Variants in RALGAPA2 observed in about 807,000 individuals in gnomAD.
RALGAPA2 encodes ral GTPase-activating protein subunit alpha-2.
In RALGAPA2, 139 loss-of-function variants were observed where a neutral mutation model predicts 230.4. The observed-to-expected ratio is 0.60, with a 90% CI of 0.53 to 0.69. RALGAPA2 has a LOEUF of 0.69. Among genes scored for constraint, RALGAPA2 ranks in the 30% least tolerant of loss-of-function variants. The pLI, the probability that RALGAPA2 is intolerant of heterozygous loss-of-function variation, is 0.00. For missense variants in RALGAPA2, 2,163 were observed against 2,276.0 expected, an observed-to-expected ratio of 0.95 and a Z score of 1.01; for synonymous variants, 847 against 837.8, an observed-to-expected ratio of 1.01 and a Z score of -0.19.
chr20:20,474,429 T>C (rs898183356), intron 36 of RALGAPA2, among the ~76,000 whole-genome samples: 3 of 152,302 alleles, frequency 2.0e-5, no homozygotes, highest in South Asian at 2.1e-4. Flanking sequence ...GCAGGGGATA[T>C]GATCTAAAAT....
intron 23 of RALGAPA2, among the ~76,000 whole-genome samples, chr20:20,555,341 T>G (rs1302464335): frequency 6.6e-6 from 1 of 152,242 alleles, no homozygotes; most frequent in Non-Finnish European, 1.5e-5. Flanking sequence ...TAGGAACTTT[T>G]GAAATAGGAA....
chr20:20,402,844 C>T (rs1027636179), intron 38 of RALGAPA2, among the ~76,000 whole-genome samples: 2 of 152,168 alleles, frequency 1.3e-5, no homozygotes, highest in African/African-American at 4.8e-5. Flanking sequence ...TGCTGCCCAT[C>T]TCACCAGAGC....
chr20:20,514,264 C>G lies in RALGAPA2; in HGVS notation c.4085-980G>C, dbSNP rs192812051. Among the ~76,000 whole-genome samples the G allele has an allele frequency of 3.9e-5, 6 of 152,256 alleles. No individual in the cohort carries two copies. In the East Asian group the frequency reaches 1.2e-3, roughly 29 times the overall value. ...GTGCAACAGGGCCCTTTCCGCTCCG[C>G]ACCCAAGCAGATCTCCAGGAATTCA... On this transcript the variant is annotated intron_variant, in intron 31 of 39. Transcript: ENST00000202677.
Position 20,438,955 on chromosome 20 carries a change from T to C in RALGAPA2, c.5496-26807A>G, listed in dbSNP as rs532484653. 4.6e-5 allele frequency among the ~76,000 whole-genome samples: 7 copies of C among 152,344 alleles called. No individual in the cohort carries two copies. In the South Asian group the frequency reaches 8.3e-4, roughly 18 times the overall value. On this transcript the variant is annotated intron_variant, in intron 37 of 39. Transcript: ENST00000202677. ...TGAGCAAACTTTGGGTCACCTTTCA[T>C]TGGGAAAGGCCCAATGTGCAAAAGG... is the stretch of plus-strand genomic sequence containing the variant.
intron 3 of RALGAPA2, among the ~76,000 whole-genome samples, chr20:20,655,782 G>A (rs796674845): frequency 1.3e-5 from 2 of 152,138 alleles, no homozygotes; most frequent in East Asian, 1.9e-4. Flanking sequence ...GATCAAGGCC[G>A]GCCAGGTAAA....
At position 20,481,757 on chromosome 20, in the gene RALGAPA2, T is replaced by G. The variant is rs191913168; in HGVS notation, c.5368-8801A>C. Among the ~76,000 whole-genome samples the G allele has an allele frequency of 5.7e-3, 862 of 152,284 alleles. 4 individuals are homozygous for G. Among genetic ancestry groups the G allele is most frequent in the Non-Finnish European group, 9.9e-3 (676 of 68,022 alleles). On this transcript the variant is annotated intron_variant, in intron 36 of 39. Transcript: ENST00000202677. Reference sequence around the variant, plus strand: ...TTAAAGAGATTCAGTCTACTGGGATTTAGGATGCTGGACTTGGTGCCAGAA... The same window carrying G: ...TTAAAGAGATTCAGTCTACTGGGATGTAGGATGCTGGACTTGGTGCCAGAA...
intron 35 of RALGAPA2, among the ~76,000 whole-genome samples, chr20:20,496,689 T>C (rs918257157): frequency 4.6e-5 from 7 of 152,254 alleles, no homozygotes; most frequent in African/African-American, 1.2e-4. Context: ...TGGAATACTA[T>C]GTATTTAAAA....
chr20:20,493,793 G>C (rs1051836924), intron 36 of RALGAPA2, among the ~76,000 whole-genome samples: 6 of 152,084 alleles, frequency 3.9e-5, no homozygotes, highest in Admixed American at 1.3e-4. Context: ...AGCACTAAGA[G>C]CCATTTTCAT....
At chr20:20,455,861 A>G (rs59905848) in intron 37 of RALGAPA2, among the ~76,000 whole-genome samples, 7 of 152,256 alleles carry the variant, frequency 4.6e-5, no homozygotes, top group African/African-American at 7.2e-5. Flanking sequence ...GCACAAAGAC[A>G]TAAACTCATC....
At chr20:20,688,645 C>A (rs986012213) in intron 1 of RALGAPA2, among the ~76,000 whole-genome samples, 19 of 152,182 alleles carry the variant, frequency 1.2e-4, no homozygotes, top group Admixed American at 1.1e-3. Flanking sequence ...TACTTCTATA[C>A]CTCAGTCTCC....
intron 10 of RALGAPA2, among the ~76,000 whole-genome samples, chr20:20,624,230 G>C (rs1225350991): frequency 6.6e-6 from 1 of 150,840 alleles, no homozygotes; most frequent in African/African-American, 2.4e-5. Flanking sequence ...GGGAGGCTGA[G>C]GAAGAAGAAT....
At chr20:20,450,700 A>C (rs1012091532) in intron 37 of RALGAPA2, among the ~76,000 whole-genome samples, 2 of 152,002 alleles carry the variant, frequency 1.3e-5, no homozygotes, top group African/African-American at 4.8e-5. Flanking sequence ...GGTTGTCGCC[A>C]AGAGTGAGAA....
chr20:20,640,767 C>A lies in RALGAPA2; in HGVS notation c.484G>T (p.Val162Phe), dbSNP rs1178821508. Residue 162 changes from valine (V) to phenylalanine (F), a missense_variant, in exon 6 of 40, where the codon GTC (valine) becomes TTC (phenylalanine). Transcript: ENST00000202677. ...FACLVPGFPA[V>F]MSSRGPCTLE... is the part of the protein sequence containing the mutation. Reference sequence around the variant, plus strand: ...GTGCAAGGGCCCCTGGATGACATGACTGCTGGGAAACCAGGCACCAGGCAA... The same window carrying A: ...GTGCAAGGGCCCCTGGATGACATGAATGCTGGGAAACCAGGCACCAGGCAA... 1 of 1,613,970 alleles carries A rather than the reference C, an allele frequency of 6.2e-7. No individual in the cohort carries two copies. The highest frequency in any genetic ancestry group is 2.2e-5 in the East Asian group (1 of 44,870).
intron 37 of RALGAPA2, among the ~76,000 whole-genome samples, chr20:20,416,652 T>G (rs1280432857): frequency 6.6e-6 from 1 of 152,240 alleles, no homozygotes; most frequent in Non-Finnish European, 1.5e-5. Context: ...TATACCCAGA[T>G]CATGCTGACT....
intron 9 of RALGAPA2, among the ~76,000 whole-genome samples, chr20:20,630,848 G>A (rs1381195050): frequency 6.6e-6 from 1 of 151,946 alleles, no homozygotes; most frequent in East Asian, 1.9e-4. Flanking sequence ...GCTAGATTAG[G>A]TCTAAAGTCT....
intron 33 of RALGAPA2, among the ~76,000 whole-genome samples, chr20:20,509,239 A>G (rs1159769640): frequency 6.6e-6 from 1 of 152,246 alleles, no homozygotes; most frequent in Non-Finnish European, 1.5e-5. Context: ...ATCAGGAAAC[A>G]GAATACAGTG....
At chr20:20,451,558 C>T (rs924101741) in intron 37 of RALGAPA2, among the ~76,000 whole-genome samples, 1 of 152,308 alleles carries the variant, frequency 6.6e-6, no homozygotes, top group South Asian at 2.1e-4. Flanking sequence ...GTTGCAATTC[C>T]TGACTCTGAA....
intron 1 of RALGAPA2, among the ~76,000 whole-genome samples, chr20:20,686,991 C>T (rs953268075): frequency 1.3e-5 from 2 of 152,162 alleles, no homozygotes; most frequent in African/African-American, 4.8e-5. Context: ...ACTGCCTACA[C>T]CCCTCCATTC....
At chr20:20,582,161 AGTGTGTGT>A (rs35240382) in intron 20 of RALGAPA2, among the ~76,000 whole-genome samples, 7,015 of 146,146 alleles carry the variant, frequency 0.048, 207 homozygotes, top group African/African-American at 0.087. Context: ...AGTGTCACAC[AGTGTGTGT>A]GTGTGTGTGT....
Sources: gnomAD v4.1 joint callset for allele counts (sites outside exome capture counted in the v4.1 genomes callset) on GRCh38, gnomAD v4.1.1 for gene constraint, MANE v1.5 for transcripts, NCBI Gene and HGNC (gene_info 2026-07-23, HGNC 2026-07-21) for gene names.